Variants in EPC2 observed in about 807,000 individuals in gnomAD.
The protein encoded by EPC2 is enhancer of polycomb 2.
A neutral mutation model predicts 92.1 loss-of-function variants in EPC2; 14 were observed. The observed-to-expected ratio is 0.15, with a 90% CI of 0.10 to 0.24. The LOEUF is 0.24. Among genes scored for constraint, EPC2 ranks in the 10% least tolerant of loss-of-function variants. The pLI, the probability that EPC2 is intolerant of heterozygous loss-of-function variation, is 1.00. For missense variants in EPC2, 755 were observed against 971.5 expected (o/e 0.78, Z 2.96); for synonymous variants, 340 against 334.7 (o/e 1.02, Z -0.17).
chr2:148,769,350 T>G, intron 8 of EPC2, 110 bp downstream of exon 8: 1 of 740,116 alleles, frequency 1.4e-6, no homozygotes, highest in Non-Finnish European at 2.3e-6. Context: ...CAGTACTTTT[T>G]ATTTAACATC....
intron 10 of EPC2, among the ~76,000 whole-genome samples, chr2:148,773,558 T>C (rs1327306771): frequency 6.6e-6 from 1 of 152,098 alleles, no homozygotes; most frequent in African/African-American, 2.4e-5. Flanking sequence ...AGTAAAAGAT[T>C]TTGTTTGAAC....
chr2:148,653,882 T>A (rs1211688501), intron 1 of EPC2, among the ~76,000 whole-genome samples: 1 of 152,114 alleles, frequency 6.6e-6, no homozygotes, highest in Admixed American at 6.5e-5. Context: ...TTAACCTCAT[T>A]GAGCCCCATT....
At chr2:148,654,545 C>T (rs938623458) in intron 1 of EPC2, among the ~76,000 whole-genome samples, 16 of 152,036 alleles carry the variant, frequency 1.1e-4, no homozygotes, top group Non-Finnish European at 1.5e-5. Flanking sequence ...GTAGTCTCAG[C>T]TACTTAGGAG....
chr2:148,656,897 T>C (rs1393860371), intron 1 of EPC2, among the ~76,000 whole-genome samples: 1 of 152,204 alleles, frequency 6.6e-6, no homozygotes, highest in Non-Finnish European at 1.5e-5. Flanking sequence ...AACCAGAGTT[T>C]AAATATCAAT....
intron 1 of EPC2, among the ~76,000 whole-genome samples, chr2:148,662,293 T>C (rs1375030744): frequency 1.3e-5 from 2 of 152,152 alleles, no homozygotes; most frequent in East Asian, 1.9e-4. Flanking sequence ...GAAATACCAT[T>C]TGACCCAGCC....
At chr2:148,678,446 C>G (rs1294344679) in intron 1 of EPC2, among the ~76,000 whole-genome samples, 1 of 152,244 alleles carries the variant, frequency 6.6e-6, no homozygotes, top group African/African-American at 2.4e-5. Flanking sequence ...TGCCGTGGAG[C>G]AGGGGGTGGC....
chr2:148,734,833 C>T (rs1409136619), intron 2 of EPC2, among the ~76,000 whole-genome samples: 3 of 149,472 alleles, frequency 2.0e-5, no homozygotes, highest in Admixed American at 2.0e-4. Flanking sequence ...AGCCTAATTC[C>T]ATTGAGATTA....
chr2:148,699,262 A>G (rs540397252), intron 2 of EPC2, among the ~76,000 whole-genome samples: 1 of 152,362 alleles, frequency 6.6e-6, no homozygotes, highest in South Asian at 2.1e-4. Flanking sequence ...TACTATTAGT[A>G]TCTTGTATTA....
intron 1 of EPC2, among the ~76,000 whole-genome samples, chr2:148,647,519 G>C (rs1052418835): frequency 2.0e-5 from 3 of 151,628 alleles, no homozygotes; most frequent in Non-Finnish European, 4.4e-5. Context: ...TATTGGCCAG[G>C]CTGGTCTCAG....
At chr2:148,701,391 G>A (rs1258997539) in intron 2 of EPC2, among the ~76,000 whole-genome samples, 1 of 152,144 alleles carries the variant, frequency 6.6e-6, no homozygotes, top group East Asian at 1.9e-4. Context: ...TTAACTGTAG[G>A]TTTTCTGTAA....
intron 4 of EPC2, among the ~76,000 whole-genome samples, chr2:148,755,403 C>T (rs934050909): frequency 3.9e-5 from 6 of 152,004 alleles, no homozygotes; most frequent in Middle Eastern, 3.4e-3. Flanking sequence ...AACTATCAAT[C>T]GCTTTTTGAA....
chr2:148,698,891 C>T (rs1443826199), intron 2 of EPC2, among the ~76,000 whole-genome samples: 113 of 145,646 alleles, frequency 7.8e-4, no homozygotes, highest in Admixed American at 3.0e-3. Flanking sequence ...TTGTGGCTTT[C>T]GCTTTTTCAC....
At chr2:148,742,797 A>AT (rs1294272066) in intron 2 of EPC2, among the ~76,000 whole-genome samples, 2 of 151,968 alleles carry the variant, frequency 1.3e-5, no homozygotes, top group South Asian at 4.2e-4. Flanking sequence ...AAAAAAAAAA[A>AT]AAAGAAAAAT....
At chr2:148,667,241 G>A (rs1269302647) in intron 1 of EPC2, among the ~76,000 whole-genome samples, 1 of 152,182 alleles carries the variant, frequency 6.6e-6, no homozygotes, top group Admixed American at 6.5e-5. Flanking sequence ...ACTCTTCATC[G>A]TTGTAAGACC....
At chr2:148,647,619 CTTTTTTTTTTTTTT>C (rs55731814) in intron 1 of EPC2, among the ~76,000 whole-genome samples, 61 of 63,744 alleles carry the variant, frequency 9.6e-4, no homozygotes, top group African/African-American at 3.6e-3. Context: ...GCCTTGCAGA[CTTTTTTTTTTTTTT>C]TTTTTTTTTT....
chr2:148,661,971 C>T (rs1223792834), intron 1 of EPC2, among the ~76,000 whole-genome samples: 2 of 151,776 alleles, frequency 1.3e-5, no homozygotes, highest in Non-Finnish European at 2.9e-5. Context: ...AACAAATTTA[C>T]AAGAAAAAAA....
At chr2:148,718,601 G>T (rs1306514428) in intron 2 of EPC2, among the ~76,000 whole-genome samples, 1 of 152,186 alleles carries the variant, frequency 6.6e-6, no homozygotes, top group Admixed American at 6.5e-5. Flanking sequence ...TCCACTGAGA[G>T]GTCTGTTGTT....
At chr2:148,781,524 C>T in intron 10 of EPC2, 120 bp from the exon 11 acceptor site, 2 of 918,020 alleles carry the variant, frequency 2.2e-6, no homozygotes, top group East Asian at 2.8e-5. Context: ...TCTGATATTC[C>T]ATATTGTAAT....
chr2:148,719,276 C>T (rs1412856223), intron 2 of EPC2, among the ~76,000 whole-genome samples: 4 of 152,092 alleles, frequency 2.6e-5, no homozygotes, highest in African/African-American at 9.7e-5. Flanking sequence ...CAGTTCTGAG[C>T]CCTTGCTTGA....
Sources: allele counts gnomAD v4.1 joint callset (sites outside exome capture counted in the v4.1 genomes callset), GRCh38; gene constraint gnomAD v4.1.1; transcripts MANE v1.5; gene names NCBI Gene and HGNC (gene_info 2026-07-23, HGNC 2026-07-21).